Variants in KIAA1217 observed in about 807,000 individuals in gnomAD.
KIAA1217 encodes KIAA1217.
Under a neutral mutation model 163.9 loss-of-function variants are expected in KIAA1217, and 88 were observed. The observed-to-expected ratio is 0.54, with a 90% CI of 0.45 to 0.64. The LOEUF is 0.64. Ranked by LOEUF, KIAA1217 falls within the 30% of genes least tolerant of loss-of-function variation. The pLI, the probability that KIAA1217 is intolerant of heterozygous loss-of-function variation, is 0.00. For missense variants in KIAA1217, 2,372 were observed against 2,475.0 expected (o/e 0.96, Z 0.88); for synonymous variants, 903 against 923.1 (o/e 0.98, Z 0.39).
intron 1 of KIAA1217, among the ~76,000 whole-genome samples, chr10:23,905,556 A>C (rs543522462): frequency 2.6e-4 from 39 of 152,200 alleles, no homozygotes; most frequent in African/African-American, 9.4e-4. Context: ...ATCCTCAGGG[A>C]AACTCCTTCA....
chr10:23,705,870 A>C (rs763377392), intron 1 of KIAA1217, among the ~76,000 whole-genome samples: 3 of 152,296 alleles, frequency 2.0e-5, no homozygotes, highest in Admixed American at 1.3e-4. Context: ...CATCTTAACA[A>C]TATCAATTCA....
chr10:24,177,566 C>T (rs545280215), intron 2 of KIAA1217, among the ~76,000 whole-genome samples: 1 of 151,778 alleles, frequency 6.6e-6, no homozygotes, highest in African/African-American at 2.4e-5. Flanking sequence ...GAACTACAGA[C>T]ATTTTTTGAC....
intron 1 of KIAA1217, among the ~76,000 whole-genome samples, chr10:23,842,500 C>T (rs1206030788): frequency 6.6e-6 from 1 of 152,080 alleles, no homozygotes; most frequent in Admixed American, 6.6e-5. Flanking sequence ...CACATATTCT[C>T]GGATTAATCC....
intron 1 of KIAA1217, among the ~76,000 whole-genome samples, chr10:23,840,500 G>A (rs1838718846): frequency 6.6e-6 from 1 of 151,992 alleles, no homozygotes; most frequent in Non-Finnish European, 1.5e-5. Context: ...TCAATGAGAA[G>A]GTAGAAAAGG....
At chr10:23,700,289 A>G (rs901482714) in intron 1 of KIAA1217, among the ~76,000 whole-genome samples, 6 of 152,090 alleles carry the variant, frequency 3.9e-5, no homozygotes, top group Admixed American at 3.3e-4. Context: ...CAATCTGACC[A>G]GTTATCACCA....
At chr10:24,213,998 G>A (rs377228029) in intron 1 of KIAA1217, among the ~76,000 whole-genome samples, 1 of 147,512 alleles carries the variant, frequency 6.8e-6, no homozygotes, top group Non-Finnish European at 1.5e-5. Flanking sequence ...AAAAAAAAAT[G>A]TTTTTAAAGT....
chr10:24,486,933 A>G (rs751207043), intron 6 of KIAA1217, among the ~76,000 whole-genome samples: 3 of 152,208 alleles, frequency 2.0e-5, no homozygotes, highest in Non-Finnish European at 2.9e-5. Context: ...AGCATTCCCT[A>G]GTATGCAGTA....
At chr10:24,380,614 CAATAAATAAATAAATAAATAAATA>C (rs56384961) in intron 2 of KIAA1217, among the ~76,000 whole-genome samples, 3 of 145,522 alleles carry the variant, frequency 2.1e-5, no homozygotes, top group Non-Finnish European at 3.0e-5. Context: ...TGCACTCTGG[CAATAAATAAATAAATAAATAAATA>C]AATAAATAAA....
At chr10:24,427,287 C>CT (rs892661328) in intron 3 of KIAA1217, among the ~76,000 whole-genome samples, 3 of 147,294 alleles carry the variant, frequency 2.0e-5, no homozygotes, top group African/African-American at 7.4e-5. Flanking sequence ...AGACGGGAAT[C>CT]TTTTTTCTGA....
intron 6 of KIAA1217, among the ~76,000 whole-genome samples, chr10:24,486,673 C>T (rs754285605): frequency 2.6e-5 from 4 of 152,180 alleles, no homozygotes; most frequent in Non-Finnish European, 5.9e-5. Context: ...CCAGACAGCA[C>T]ACATGGCCTG....
chr10:23,942,323 A>G (rs1222515247), intron 1 of KIAA1217, among the ~76,000 whole-genome samples: 1 of 152,218 alleles, frequency 6.6e-6, no homozygotes, highest in Non-Finnish European at 1.5e-5. Flanking sequence ...TAATGAGTGA[A>G]CAATGAGGAA....
chr10:23,966,056 C>A (rs2131381268), intron 1 of KIAA1217, among the ~76,000 whole-genome samples: 1 of 152,298 alleles, frequency 6.6e-6, no homozygotes, highest in South Asian at 2.1e-4. Flanking sequence ...TGAGCACATC[C>A]CTGCTGGCAG....
At chr10:24,410,758 A>G (rs1223593406) in intron 3 of KIAA1217, among the ~76,000 whole-genome samples, 1 of 152,238 alleles carries the variant, frequency 6.6e-6, no homozygotes, top group Non-Finnish European at 1.5e-5. Context: ...GTCATCAAGA[A>G]CAGCAGCTTT....
chr10:24,325,698 G>C (rs1303262129), intron 2 of KIAA1217, among the ~76,000 whole-genome samples: 1 of 152,200 alleles, frequency 6.6e-6, no homozygotes, highest in Non-Finnish European at 1.5e-5. Flanking sequence ...TCTTAATGCA[G>C]AGTGTGGAAA....
chr10:24,404,228 T>A (rs556368175), intron 3 of KIAA1217, among the ~76,000 whole-genome samples: 1 of 152,286 alleles, frequency 6.6e-6, no homozygotes, highest in South Asian at 2.1e-4. Flanking sequence ...CCCAAAGTGC[T>A]GAGATTAAGG....
At chr10:24,282,307 G>A (rs961366137) in intron 2 of KIAA1217, among the ~76,000 whole-genome samples, 2 of 151,910 alleles carry the variant, frequency 1.3e-5, no homozygotes, top group African/African-American at 4.8e-5. Flanking sequence ...TTTCTCCACT[G>A]TAAGGTCACA....
At chr10:24,049,232 T>C (rs996222679) in intron 2 of KIAA1217, among the ~76,000 whole-genome samples, 2 of 152,086 alleles carry the variant, frequency 1.3e-5, no homozygotes, top group Non-Finnish European at 2.9e-5. Flanking sequence ...TACCCTGGCA[T>C]AGCCTGCTTA....
chr10:23,919,321 A>G (rs1842757006), intron 1 of KIAA1217, among the ~76,000 whole-genome samples: 1 of 151,768 alleles, frequency 6.6e-6, no homozygotes, highest in Admixed American at 6.6e-5. Context: ...ACCCCTAATC[A>G]TCGACTGGGT....
At chr10:24,504,098 T>TG (rs1191285719) in intron 9 of KIAA1217, among the ~76,000 whole-genome samples, 5 of 152,202 alleles carry the variant, frequency 3.3e-5, no homozygotes, top group South Asian at 2.1e-4. Context: ...TCTGGCCGGC[T>TG]GGGAGGGATC....
Sources: gnomAD v4.1 joint callset for allele counts (sites outside exome capture counted in the v4.1 genomes callset) on GRCh38, gnomAD v4.1.1 for gene constraint, MANE v1.5 for transcripts, NCBI Gene and HGNC (gene_info 2026-07-23, HGNC 2026-07-21) for gene names.